The following KCNH5 variants were observed in gnomAD, a reference collection of about 807,000 sequenced individuals.
KCNH5 encodes voltage-gated delayed rectifier potassium channel KCNH5.
Under a neutral mutation model 96.1 loss-of-function variants are expected in KCNH5, and 46 were observed. That is an observed-to-expected ratio of 0.48 (90% CI 0.38 to 0.61). The LOEUF is 0.61. KCNH5 is among the 20% of genes least tolerant of loss of function. The pLI is 0.00. For missense variants in KCNH5, 907 were observed against 1,225.8 expected (o/e 0.74, Z 3.88); for synonymous variants, 439 against 449.8 (o/e 0.98, Z 0.30).
intron 10 of KCNH5, among the ~76,000 whole-genome samples, chr14:62,752,397 G>A (rs1446461610): frequency 2.0e-5 from 3 of 151,904 alleles, no homozygotes; most frequent in Non-Finnish European, 4.4e-5. Flanking sequence ...GCATCAAGTG[G>A]GCTCTTGGGG....
chr14:62,729,297 T>C (rs1368195540), intron 10 of KCNH5, among the ~76,000 whole-genome samples: 2 of 152,214 alleles, frequency 1.3e-5, no homozygotes, highest in Non-Finnish European at 2.9e-5. Context: ...GATTCTTATA[T>C]CCATATAATG....
At chr14:62,773,441 C>G (rs944742417) in intron 10 of KCNH5, among the ~76,000 whole-genome samples, 1 of 152,168 alleles carries the variant, frequency 6.6e-6, no homozygotes, top group African/African-American at 2.4e-5. Flanking sequence ...TCTCGTAGCA[C>G]TTATCTGACT....
chr14:62,714,924 C>T (rs2101551), intron 10 of KCNH5, among the ~76,000 whole-genome samples: 46,501 of 152,046 alleles, frequency 0.31, 7,813 homozygotes, highest in South Asian at 0.5. Flanking sequence ...AATCAGGCTA[C>T]GGTTCCAGCT....
intron 8 of KCNH5, among the ~76,000 whole-genome samples, chr14:62,814,924 A>C (rs925409125): frequency 1.3e-5 from 2 of 151,968 alleles, no homozygotes; most frequent in Non-Finnish European, 2.9e-5. Context: ...ACTTGCAGAT[A>C]TATATGCAAG....
At position 62,788,157 on chromosome 14, in the gene KCNH5, T is replaced by C. The variant is rs373355591; in HGVS notation, c.1823-8233A>G. ...TGCCATTCAGAACACTTGTGATTCA[T>C]GTGAGATGTGAGAAAGCCAAAATAT... On this transcript the variant is annotated intron_variant, in intron 9 of 10. Transcript: ENST00000322893. Among the ~76,000 whole-genome samples the C allele has an allele frequency of 1.4e-4, 21 of 152,328 alleles. No individual in the cohort carries two copies. In the East Asian group the frequency reaches 2.3e-3, roughly 17 times the overall value.
chr14:62,881,540 C>G (rs143949684), intron 7 of KCNH5, among the ~76,000 whole-genome samples: 1 of 152,100 alleles, frequency 6.6e-6, no homozygotes, highest in East Asian at 1.9e-4. Context: ...TGGCTTAATA[C>G]GTGGGTGATG....
At chr14:62,715,133 G>A (rs1048643933) in intron 10 of KCNH5, among the ~76,000 whole-genome samples, 6 of 152,160 alleles carry the variant, frequency 3.9e-5, no homozygotes, top group Admixed American at 2.0e-4. Flanking sequence ...TCAAAAGTAG[G>A]ACATTTGATC....
chr14:63,037,472 C>T (rs763158191), intron 1 of KCNH5, among the ~76,000 whole-genome samples: 3 of 152,108 alleles, frequency 2.0e-5, no homozygotes, highest in Admixed American at 6.6e-5. Context: ...AAAGGATCAG[C>T]GTTGTATTTC....
chr14:63,009,697 G>A (rs1257792035), intron 2 of KCNH5, among the ~76,000 whole-genome samples: 4 of 152,140 alleles, frequency 2.6e-5, no homozygotes, highest in African/African-American at 9.7e-5. Context: ...AGTATTTTCA[G>A]CCAAAGTTGT....
chr14:62,878,547 G>T (rs1351116766), intron 7 of KCNH5, among the ~76,000 whole-genome samples: 2 of 151,780 alleles, frequency 1.3e-5, no homozygotes, highest in African/African-American at 4.8e-5. Flanking sequence ...GGCGAGGAGG[G>T]CAAATATTCA....
intron 4 of KCNH5, among the ~76,000 whole-genome samples, chr14:62,991,888 A>T (rs1189387068): frequency 6.6e-6 from 1 of 152,046 alleles, no homozygotes; most frequent in South Asian, 2.1e-4. Flanking sequence ...TACATGTATC[A>T]ATTGTATAAT....
intron 3 of KCNH5, among the ~76,000 whole-genome samples, chr14:63,003,339 G>A (rs1421312859): frequency 1.3e-5 from 2 of 148,970 alleles, no homozygotes; most frequent in Admixed American, 6.9e-5. Flanking sequence ...GGGTTAAGTA[G>A]AGGAACCTGC....
chr14:63,006,545 T>G (rs777619608), intron 2 of KCNH5, 73 bp from the exon 3 acceptor site: 19 of 876,150 alleles, frequency 2.2e-5, no homozygotes, highest in Non-Finnish European at 3.0e-5. Flanking sequence ...AATCATATAA[T>G]TGTCTTTGAC....
At position 62,829,173 on chromosome 14, in the gene KCNH5, C is replaced by T. The variant is rs375559919; in HGVS notation, c.1569+20480G>A. Among the ~76,000 whole-genome samples, 48 of 152,250 alleles carry T rather than the reference C, an allele frequency of 3.2e-4. 1 individual carries two copies. The South Asian group carries it at 9.9e-3, about 32-fold the overall frequency. On this transcript the variant is annotated intron_variant, in intron 8 of 10. Coordinates refer to ENST00000322893, the MANE Select transcript of KCNH5 (RefSeq NM_139318.5). ...CACCTGACGTTTTGCAGGATACAGC[C>T]CCCATAGCTGCTTTCATGGGCTGGT...
At chr14:62,913,805 C>T (rs1165725742) in intron 7 of KCNH5, among the ~76,000 whole-genome samples, 1 of 152,148 alleles carries the variant, frequency 6.6e-6, no homozygotes, top group Non-Finnish European at 1.5e-5. Context: ...TTTAAAGCAT[C>T]TGTAGGGCAG....
At chr14:62,727,549 A>G (rs1884955953) in intron 10 of KCNH5, among the ~76,000 whole-genome samples, 1 of 152,144 alleles carries the variant, frequency 6.6e-6, no homozygotes, top group Non-Finnish European at 1.5e-5. Context: ...AGACATTTCT[A>G]TATATGAGGT....
chr14:63,004,527 A>G (rs1486840647), intron 3 of KCNH5, among the ~76,000 whole-genome samples: 2 of 152,264 alleles, frequency 1.3e-5, no homozygotes, highest in African/African-American at 2.4e-5. Flanking sequence ...ACTACCTTGG[A>G]AAGACTTCTG....
intron 6 of KCNH5, among the ~76,000 whole-genome samples, chr14:62,955,171 A>G (rs1890080759): frequency 6.6e-6 from 1 of 152,004 alleles, no homozygotes; most frequent in Non-Finnish European, 1.5e-5. Flanking sequence ...GGCACTATTT[A>G]TATTCAAATA....
At chr14:62,966,587 G>A (rs1890308346) in intron 6 of KCNH5, among the ~76,000 whole-genome samples, 1 of 152,162 alleles carries the variant, frequency 6.6e-6, no homozygotes, top group African/African-American at 2.4e-5. Flanking sequence ...ACACGACTTT[G>A]GACTATTGTT....
Sources: gnomAD v4.1 joint callset for allele counts (sites outside exome capture counted in the v4.1 genomes callset) on GRCh38, gnomAD v4.1.1 for gene constraint, MANE v1.5 for transcripts, NCBI Gene and HGNC (gene_info 2026-07-23, HGNC 2026-07-21) for gene names.